Variants in TMTC2 observed in about 807,000 individuals in gnomAD.
TMTC2 encodes the protein transmembrane O-mannosyltransferase targeting cadherins 2.
In TMTC2, 43 loss-of-function variants were observed where a neutral mutation model predicts 82.4. That is an observed-to-expected ratio of 0.52 (90% CI 0.41 to 0.67). TMTC2 has a LOEUF of 0.67. TMTC2 is among the 30% of genes least tolerant of loss of function. The pLI, the probability that TMTC2 is intolerant of heterozygous loss-of-function variation, is 0.00. For missense variants in TMTC2, 919 were observed against 1,012.4 expected (o/e 0.91, Z 1.25); for synonymous variants, 408 against 381.9 (o/e 1.07, Z -0.80).
At chr12:83,084,398 G>T (rs913644739) in intron 11 of TMTC2, among the ~76,000 whole-genome samples, 16 of 152,014 alleles carry the variant, frequency 1.1e-4, no homozygotes, top group African/African-American at 2.7e-4. Flanking sequence ...AAAGGTAGAA[G>T]CTTTTTATTT....
At chr12:82,718,496 C>A (rs1304922132) in intron 1 of TMTC2, among the ~76,000 whole-genome samples, 1 of 152,196 alleles carries the variant, frequency 6.6e-6, no homozygotes, top group African/African-American at 2.4e-5. Flanking sequence ...GGCCACAAAT[C>A]TATTAAGTGA....
intron 3 of TMTC2, among the ~76,000 whole-genome samples, chr12:82,917,591 T>G (rs1565808931): frequency 6.6e-6 from 1 of 151,632 alleles, no homozygotes. Context: ...TTGGCTTTTA[T>G]TTTATTTATT....
chr12:82,770,860 C>T (rs115897681), intron 1 of TMTC2, among the ~76,000 whole-genome samples: 2,450 of 152,182 alleles, frequency 0.016, 67 homozygotes, highest in African/African-American at 0.056. Flanking sequence ...ACTAAGTTCT[C>T]ACAGAGCAAG....
chr12:82,940,074 G>T (rs1461684474), intron 4 of TMTC2, among the ~76,000 whole-genome samples: 6 of 134,332 alleles, frequency 4.5e-5, no homozygotes, highest in Non-Finnish European at 9.2e-5. Flanking sequence ...AGGCTAGAGT[G>T]CAGTGGCGCG....
At chr12:83,125,252 T>C (rs2137566855) in intron 11 of TMTC2, among the ~76,000 whole-genome samples, 1 of 152,314 alleles carries the variant, frequency 6.6e-6, no homozygotes, top group East Asian at 1.9e-4. Context: ...CTCTGTTTTG[T>C]TTATAACAGA....
chr12:83,101,077 A>C (rs1281047643), intron 11 of TMTC2, among the ~76,000 whole-genome samples: 1 of 152,224 alleles, frequency 6.6e-6, no homozygotes, highest in Admixed American at 6.5e-5. Flanking sequence ...ATGAGAAATA[A>C]ATTTCTAAAT....
At chr12:82,989,029 T>C (rs1879293796) in intron 8 of TMTC2, among the ~76,000 whole-genome samples, 1 of 151,092 alleles carries the variant, frequency 6.6e-6, no homozygotes, top group African/African-American at 2.4e-5. Context: ...GAAGACATCT[T>C]TAAAAGAATA....
rs192037057 is a variant in TMTC2 at position 82,905,957 on chromosome 12, A to C, written c.1483+9311A>C. ...CGAAACTCTGTCTCAAAAAAAAAAAAAAAGAGAAAGGAAAAAGAGAGAGTC... is the reference window on the plus strand; with the variant it reads ...CGAAACTCTGTCTCAAAAAAAAAAACAAAGAGAAAGGAAAAAGAGAGAGTC... On this transcript the variant is annotated intron_variant, in intron 3 of 11. Coordinates refer to ENST00000321196, the MANE Select transcript of TMTC2 (RefSeq NM_152588.3). 7.4e-3 allele frequency among the ~76,000 whole-genome samples: 1,122 copies of C among 152,174 alleles called. 6 individuals carry two copies. The highest frequency in any genetic ancestry group is 0.012 in the Non-Finnish European group (811 of 67,996).
chr12:82,690,966 T>G (rs545090861), intron 1 of TMTC2, among the ~76,000 whole-genome samples: 1 of 152,268 alleles, frequency 6.6e-6, no homozygotes, highest in Admixed American at 6.5e-5. Context: ...TGTTATGAGT[T>G]TCTTATGGAG....
intron 4 of TMTC2, among the ~76,000 whole-genome samples, chr12:82,937,204 C>T (rs1876364740): frequency 6.6e-6 from 1 of 152,164 alleles, no homozygotes; most frequent in South Asian, 2.1e-4. Context: ...TTTCACAGAT[C>T]TGAAAACTAG....
chr12:82,955,251 A>G (rs1166768724), intron 4 of TMTC2, among the ~76,000 whole-genome samples: 3 of 152,148 alleles, frequency 2.0e-5, no homozygotes, highest in Non-Finnish European at 1.5e-5. Flanking sequence ...GACATTGCCA[A>G]ATATCCCCTG....
chr12:82,990,103 C>T (rs753193878), intron 8 of TMTC2, among the ~76,000 whole-genome samples: 1 of 152,064 alleles, frequency 6.6e-6, no homozygotes, highest in Admixed American at 6.6e-5. Context: ...CTTCTGAATG[C>T]TTTAAATATA....
At chr12:83,125,110 G>A (rs79845688) in intron 11 of TMTC2, among the ~76,000 whole-genome samples, 28 of 152,280 alleles carry the variant, frequency 1.8e-4, no homozygotes, top group East Asian at 1.7e-3. Flanking sequence ...CTGTCCTCCC[G>A]TATTCATTCA....
chr12:82,802,794 C>T (rs1879074144), intron 1 of TMTC2, among the ~76,000 whole-genome samples: 1 of 152,058 alleles, frequency 6.6e-6, no homozygotes, highest in East Asian at 1.9e-4. Flanking sequence ...GGGGTTTAGA[C>T]TTTGTGGTAG....
At chr12:82,925,377 AAATT>A (rs1875641632) in intron 3 of TMTC2, among the ~76,000 whole-genome samples, 1 of 152,220 alleles carries the variant, frequency 6.6e-6, no homozygotes, top group Admixed American at 6.5e-5. Context: ...AATATCTAAT[AAATT>A]AATAAATATT....
At chr12:82,726,340 A>G (rs7313778) in intron 1 of TMTC2, among the ~76,000 whole-genome samples, 20,351 of 152,166 alleles carry the variant, frequency 0.13, 1,656 homozygotes, top group East Asian at 0.36. Flanking sequence ...AATAGTATGC[A>G]TGAAGCATAC....
intron 3 of TMTC2, among the ~76,000 whole-genome samples, chr12:82,912,273 A>G (rs1874715001): frequency 6.6e-6 from 1 of 152,198 alleles, no homozygotes; most frequent in South Asian, 2.1e-4. Flanking sequence ...CAGATTACCC[A>G]GGTGTCAAAG....
chr12:83,061,703 C>T lies in TMTC2; in HGVS notation c.2268-65C>T, dbSNP rs1036794883. The T allele has an allele frequency of 3.6e-6, 5 of 1,372,992 alleles. No homozygotes were observed. The African/African-American group carries it at 7.5e-5, about 21-fold the overall frequency. 85.1% of individuals were successfully genotyped at this position (1,372,992 alleles called of 1,614,324 possible). ...TTTAAAAATTAACATTATTTTACTG[C>T]ACAGTGATCCTATTTGTAATTCTAA... On this transcript the variant is annotated intron_variant, in intron 10 of 11. Coordinates refer to ENST00000321196, the MANE Select transcript of TMTC2 (RefSeq NM_152588.3).
rs141652120 is a variant in TMTC2 at position 82,761,884 on chromosome 12, T to TTCTTTCTCTCTC, written c.83+74218_83+74219insTTCTCTCTCTCT. On this transcript the variant is annotated intron_variant, in intron 1 of 11. Transcript: ENST00000321196. ...TGTTTCTCTTTCTCTCTTTCTTTCT[T>TTCTTTCTCTCTC]TCTCTCTCTTTCTTTCTTTCTTTTT... Among the ~76,000 whole-genome samples, 2 of 149,914 alleles carry TTCTTTCTCTCTC rather than the reference T, an allele frequency of 1.3e-5. 1 individual carries two copies. The highest frequency in any genetic ancestry group is 1.3e-4 in the Admixed American group (2 of 14,956).
Sources: gnomAD v4.1 joint callset for allele counts (sites outside exome capture counted in the v4.1 genomes callset) on GRCh38, gnomAD v4.1.1 for gene constraint, MANE v1.5 for transcripts, NCBI Gene and HGNC (gene_info 2026-07-23, HGNC 2026-07-21) for gene names.